WASF1: variants seen among roughly 807,000 people sequenced by gnomAD.
The protein encoded by WASF1 is WASP family member 1, also known as actin-binding protein WASF1.
In WASF1, 7 loss-of-function variants were observed where a neutral mutation model predicts 50.5. That is an observed-to-expected ratio of 0.14 (90% confidence interval 0.08 to 0.26). WASF1 has a LOEUF of 0.26. WASF1 is among the 10% of genes least tolerant of loss of function. The probability of loss-of-function intolerance (pLI) is 1.00; values close to 1 mark genes in which losing one functional copy is unlikely to be tolerated. For synonymous variants in WASF1, 205 were observed against 244.0 expected, an observed-to-expected ratio of 0.84 and a Z score of 1.49; for missense variants, 470 against 694.7, an observed-to-expected ratio of 0.68 and a Z score of 3.64.
chr6:110,150,236 C>T (rs1253361143), intron 3 of WASF1, among the ~76,000 whole-genome samples: 3 of 152,030 alleles, frequency 2.0e-5, no homozygotes, highest in Non-Finnish European at 4.4e-5. Flanking sequence ...CACCACCCAG[C>T]AGCTTACAAA....
rs765169500 is a variant in WASF1 at position 110,127,461 on chromosome 6, A to C, written c.133+8T>G. 4 of 1,583,964 alleles carry C rather than the reference A, an allele frequency of 2.5e-6. No homozygotes were observed. The East Asian group carries it at 9.0e-5, about 36-fold the overall frequency. ...TTGTGAGTATATTTTTAATTGATAT[A>C]TACTTACTTAGGCTACTTAGTTGTC... On this transcript the variant is annotated splice_region_variant and intron_variant, in intron 4 of 10. Transcript: ENST00000392589.
chr6:110,102,746 T>A (rs1455337521), intron 9 of WASF1, among the ~76,000 whole-genome samples: 1 of 152,172 alleles, frequency 6.6e-6, no homozygotes, highest in East Asian at 1.9e-4. Flanking sequence ...AAAATTGGAT[T>A]TTTAACTGAA....
At position 110,137,693 on chromosome 6, in the gene WASF1, C is replaced by A. The variant is rs1775031194; in HGVS notation, c.-28-10064G>T. 2.0e-5 allele frequency among the ~76,000 whole-genome samples: 3 copies of A among 152,190 alleles called. No individual in the cohort carries two copies. The South Asian group carries it at 6.2e-4, about 31-fold the overall frequency. On this transcript the variant is annotated intron_variant, in intron 3 of 10. Coordinates refer to ENST00000392589, the MANE Select transcript of WASF1 (RefSeq NM_003931.3). ...ATGGATTAACTTCCCTCTGACCTTT[C>A]TCACACAAAGACTTTGTGGCTATCA...
intron 2 of WASF1, among the ~76,000 whole-genome samples, chr6:110,169,674 G>A (rs1776617409): frequency 6.6e-6 from 1 of 152,048 alleles, no homozygotes; most frequent in South Asian, 2.1e-4. Flanking sequence ...TACATCTAGA[G>A]GAAGCTTAAG....
At chr6:110,160,328 G>C (rs890931360) in intron 3 of WASF1, among the ~76,000 whole-genome samples, 4 of 151,750 alleles carry the variant, frequency 2.6e-5, no homozygotes, top group African/African-American at 4.8e-5. Context: ...ATGAGGATTC[G>C]GGTTTTAGAC....
intron 3 of WASF1, among the ~76,000 whole-genome samples, chr6:110,160,109 AATTAT>A (rs996972265): frequency 6.6e-6 from 1 of 151,902 alleles, no homozygotes; most frequent in Non-Finnish European, 1.5e-5. Flanking sequence ...TCATACACAA[AATTAT>A]ATTAAAAATG....
chr6:110,127,199 A>G (rs1347091502), intron 4 of WASF1, among the ~76,000 whole-genome samples: 2 of 152,204 alleles, frequency 1.3e-5, no homozygotes, highest in Non-Finnish European at 2.9e-5. Context: ...CGCAGATTAT[A>G]TATTTTTAAA....
At chr6:110,135,225 C>G (rs149849800) in intron 3 of WASF1, among the ~76,000 whole-genome samples, 1 of 152,060 alleles carries the variant, frequency 6.6e-6, no homozygotes, top group South Asian at 2.1e-4. Context: ...AATTTTGTAT[C>G]CTGAAACTTT....
chr6:110,148,891 C>T (rs966616092), intron 3 of WASF1, among the ~76,000 whole-genome samples: 8 of 152,148 alleles, frequency 5.3e-5, no homozygotes, highest in Non-Finnish European at 8.8e-5. Flanking sequence ...AGGAAACAGG[C>T]TAATAATTAA....
chr6:110,177,277 T>A (rs1776971932), intron 2 of WASF1: 2 of 152,082 alleles, frequency 1.3e-5, no homozygotes, highest in Admixed American at 1.3e-4. Flanking sequence ...TATCAAGTCA[T>A]AATTTTTGTT....
chr6:110,165,631 C>G (rs1331409865), intron 2 of WASF1, among the ~76,000 whole-genome samples: 2 of 151,690 alleles, frequency 1.3e-5, no homozygotes, highest in African/African-American at 4.8e-5. Flanking sequence ...AATGTATTCC[C>G]TTTAAACCAA....
chr6:110,105,532 T>C lies in WASF1; in HGVS notation c.588A>G (p.Ala196=). 6.2e-7 allele frequency: 1 copy of C among 1,613,976 alleles called. No individual in the cohort carries two copies. The highest frequency in any genetic ancestry group is 8.5e-7 in the Non-Finnish European group (1 of 1,179,904). The change falls in exon 8 of 11, where the codon GCA becomes GCG. Residue 196 remains alanine, a synonymous_variant. Transcript: ENST00000392589. ...RPHEPEKVPR[A]PHDRRREWQK... ...GCCATTCTCGCCGCCTGTCATGAGG[T>C]GCTCTTGGCACTTTTTCTGGTTCAT...
intron 4 of WASF1, among the ~76,000 whole-genome samples, chr6:110,124,206 TCTCTCTCTCTCCTCTCTCTCCTCTCTCTC>T (rs1199760700): frequency 3.3e-5 from 4 of 122,264 alleles, no homozygotes; most frequent in African/African-American, 1.6e-4. Context: ...TCTCTCTCTC[TCTCTCTCTCTCCTCTCTCTCCTCTCTCTC>T]CTCTCTCTCT....
intron 4 of WASF1, among the ~76,000 whole-genome samples, chr6:110,120,555 G>A (rs1026929576): frequency 2.6e-5 from 4 of 152,036 alleles, no homozygotes; most frequent in African/African-American, 9.7e-5. Context: ...ACAAATGGAA[G>A]AACATTCCAT....
chr6:110,145,553 T>C (rs982706729), intron 3 of WASF1, among the ~76,000 whole-genome samples: 6 of 152,200 alleles, frequency 3.9e-5, no homozygotes, highest in African/African-American at 1.4e-4. Flanking sequence ...TCAAAGGGAA[T>C]GCTTCCAGTT....
intron 4 of WASF1, among the ~76,000 whole-genome samples, chr6:110,113,694 AT>A (rs1319310144): frequency 6.6e-6 from 1 of 152,262 alleles, no homozygotes; most frequent in South Asian, 2.1e-4. Context: ...TTACATGTGG[AT>A]TTTTTTCAAT....
intron 4 of WASF1, among the ~76,000 whole-genome samples, chr6:110,124,849 G>A (rs1442865247): frequency 6.6e-6 from 1 of 152,184 alleles, no homozygotes; most frequent in Non-Finnish European, 1.5e-5. Context: ...GGTGGAGTTT[G>A]TAGTGAGCCA....
At chr6:110,135,769 G>A (rs1381015314) in intron 3 of WASF1, among the ~76,000 whole-genome samples, 1 of 140,388 alleles carries the variant, frequency 7.1e-6, no homozygotes, top group Non-Finnish European at 1.5e-5. Flanking sequence ...ATTTAGTTTG[G>A]GTTTGTCATT....
At chr6:110,147,795 G>A (rs535008010) in intron 3 of WASF1, among the ~76,000 whole-genome samples, 3 of 152,244 alleles carry the variant, frequency 2.0e-5, no homozygotes, top group Admixed American at 6.5e-5. Flanking sequence ...CACCCAAACT[G>A]GAATGCAGTG....
Sources: gnomAD v4.1 joint callset for allele counts (sites outside exome capture counted in the v4.1 genomes callset) on GRCh38, gnomAD v4.1.1 for gene constraint, MANE v1.5 for transcripts, NCBI Gene and HGNC (gene_info 2026-07-23, HGNC 2026-07-21) for gene names.